Variants in DGKI observed in about 807,000 individuals in gnomAD.
DGKI encodes diacylglycerol kinase iota, also known as DAG kinase iota.
DGKI carries 55 observed loss-of-function variants against 147.5 expected under a neutral mutation model. The ratio of observed to expected loss-of-function variants is 0.37; its 90% CI spans 0.30 to 0.47. The LOEUF (loss-of-function observed/expected upper bound fraction) is 0.47, where lower values mean the gene tolerates loss of function less well. DGKI is among the 20% of genes least tolerant of loss of function. The pLI, the probability that DGKI is intolerant of heterozygous loss-of-function variation, is 1.00. For synonymous variants in DGKI, 469 were observed against 477.1 expected (o/e 0.98, Z 0.22); for missense variants, 1,007 against 1,323.8 (o/e 0.76, Z 3.71).
intron 1 of DGKI, among the ~76,000 whole-genome samples, chr7:137,814,680 C>A (rs918320217): frequency 6.6e-6 from 1 of 152,110 alleles, no homozygotes; most frequent in African/African-American, 2.4e-5. Context: ...TCCAAACAAC[C>A]TGGCACAAAC....
intron 3 of DGKI, among the ~76,000 whole-genome samples, chr7:137,673,469 G>T (rs1308650125): frequency 6.6e-6 from 1 of 152,196 alleles, no homozygotes; most frequent in East Asian, 1.9e-4. Flanking sequence ...CACTTCAAAG[G>T]TAAGATTAAA....
intron 12 of DGKI, among the ~76,000 whole-genome samples, chr7:137,588,806 G>A (rs755367308): frequency 6.6e-6 from 1 of 152,120 alleles, no homozygotes; most frequent in Non-Finnish European, 1.5e-5. Flanking sequence ...TGCCATGCCT[G>A]AGCAAAGTCC....
chr7:137,638,051 A>C (rs553144945), intron 6 of DGKI, among the ~76,000 whole-genome samples: 52 of 152,282 alleles, frequency 3.4e-4, no homozygotes, highest in African/African-American at 1.2e-3. Flanking sequence ...GTTTTAATAA[A>C]GAGACAAACG....
chr7:137,846,772 C>T lies in DGKI; in HGVS notation c.91G>A (p.Ala31Thr). Residue 31 changes from alanine (A) to threonine (T), a missense_variant, in exon 1 of 33, where the codon GCC (alanine) becomes ACC (threonine). This residue lies in a region of DGKI where 137 missense variants were observed against 114.4 expected (regional missense o/e 1.20). Coordinates refer to ENST00000614521, the MANE Select transcript of DGKI (RefSeq NM_001321708.2). This position sits in a 1 kb window ranked among gnomAD's most constrained non-coding sequence, Gnocchi z 4.0. Reference protein sequence around the residue: ...RAPAAAAAAAASPPGPCSGAA... With the variant: ...RAPAAAAAAATSPPGPCSGAA... Reference sequence around the variant, plus strand: ...CCGCTGCAGGGGCCGGGCGGGCTGGCGGCGGCGGCGGCGGCGGCTGCAGGA... The same window carrying T: ...CCGCTGCAGGGGCCGGGCGGGCTGGTGGCGGCGGCGGCGGCGGCTGCAGGA... The T allele has an allele frequency of 9.7e-7, 1 of 1,033,668 alleles. No individual in the cohort carries two copies. The highest frequency in any genetic ancestry group is 1.2e-6 in the Non-Finnish European group (1 of 862,428). The allele number at this position is 1,033,668 out of a possible 1,614,324, so 64.0% of individuals were successfully genotyped here.
At chr7:137,491,597 T>C (rs1815765225) in intron 21 of DGKI, among the ~76,000 whole-genome samples, 2 of 152,260 alleles carry the variant, frequency 1.3e-5, no homozygotes, top group African/African-American at 4.8e-5. Flanking sequence ...TATTCCTTTG[T>C]AGTTACCTAA....
intron 1 of DGKI, among the ~76,000 whole-genome samples, chr7:137,775,272 C>A (rs1796329769): frequency 6.6e-6 from 1 of 152,092 alleles, no homozygotes; most frequent in Non-Finnish European, 1.5e-5. Flanking sequence ...CCTGGGAGGA[C>A]CGTAATGAAA....
chr7:137,480,300 C>A (rs2128933405), intron 23 of DGKI, among the ~76,000 whole-genome samples: 1 of 152,214 alleles, frequency 6.6e-6, no homozygotes, highest in African/African-American at 2.4e-5. Context: ...TAAATCAATT[C>A]CCAGGAAGAC....
At chr7:137,751,589 C>T (rs1370831258) in intron 1 of DGKI, among the ~76,000 whole-genome samples, 2 of 152,186 alleles carry the variant, frequency 1.3e-5, no homozygotes, top group Non-Finnish European at 2.9e-5. Flanking sequence ...ATTAAAGACA[C>T]TAGCACTTTC....
At chr7:137,466,807 G>A in intron 25 of DGKI, 95 bp downstream of exon 25, 1 of 1,287,976 alleles carries the variant, frequency 7.8e-7, no homozygotes, top group Non-Finnish European at 1.1e-6. Flanking sequence ...GTGTCTCAGT[G>A]GTTTTCGTTA....
Position 137,609,616 on chromosome 7 carries a change from G to GGA in DGKI, c.994-9_994-8dup. Reference sequence around the variant, plus strand: ...TTGAAGCCTTCAGGGAGTTCTGTAGGGAGAGAGAGAAATGCCTGAGCTCAG... The same window carrying GGA: ...TTGAAGCCTTCAGGGAGTTCTGTAGGGAGAGAGAGAGAAATGCCTGAGCTCAG... On this transcript the variant is annotated splice_region_variant and splice_polypyrimidine_tract_variant and intron_variant, in intron 8 of 32. Transcript: ENST00000614521. 1 of 1,610,850 alleles carries GGA rather than the reference G, an allele frequency of 6.2e-7. No homozygotes were observed. The highest frequency in any genetic ancestry group is 8.5e-7 in the Non-Finnish European group (1 of 1,177,688).
chr7:137,721,565 T>C (rs927632261), intron 1 of DGKI, among the ~76,000 whole-genome samples: 1 of 152,196 alleles, frequency 6.6e-6, no homozygotes, highest in Non-Finnish European at 1.5e-5. Context: ...CCTAACGGTC[T>C]CCCTGCCCTC....
chr7:137,558,113 G>T (rs980993581), intron 19 of DGKI, among the ~76,000 whole-genome samples: 10 of 152,108 alleles, frequency 6.6e-5, no homozygotes, highest in Admixed American at 1.3e-4. Context: ...TCACCAAAAT[G>T]AGAAATTTTA....
intron 13 of DGKI, among the ~76,000 whole-genome samples, chr7:137,586,268 T>C (rs1194348679): frequency 1.3e-5 from 2 of 151,616 alleles, no homozygotes; most frequent in Non-Finnish European, 1.5e-5. Flanking sequence ...CTAATAAACA[T>C]ACAAAAAAAA....
intron 1 of DGKI, among the ~76,000 whole-genome samples, chr7:137,702,497 T>C (rs60854715): frequency 0.012 from 1,854 of 152,306 alleles, 46 homozygotes; most frequent in African/African-American, 0.043. Context: ...CTCAGAACTC[T>C]TGAGATTATT....
intron 24 of DGKI, among the ~76,000 whole-genome samples, chr7:137,467,198 C>T (rs1228143883): frequency 6.6e-6 from 1 of 152,234 alleles, no homozygotes; most frequent in African/African-American, 2.4e-5. Flanking sequence ...TCAAGTGCTT[C>T]TGCTTCTGTG....
intron 1 of DGKI, among the ~76,000 whole-genome samples, chr7:137,834,353 C>T (rs762601541): frequency 2.0e-5 from 3 of 152,134 alleles, no homozygotes; most frequent in Admixed American, 2.0e-4. Context: ...TGTTTTGAGT[C>T]ATTGTAAAAG....
intron 23 of DGKI, among the ~76,000 whole-genome samples, chr7:137,473,630 A>G (rs1815063565): frequency 6.6e-6 from 1 of 152,176 alleles, no homozygotes; most frequent in South Asian, 2.1e-4. Flanking sequence ...TGGTAATTGT[A>G]ATACCAAAAC....
intron 1 of DGKI, among the ~76,000 whole-genome samples, chr7:137,741,334 A>G (rs1041947896): frequency 2.6e-5 from 4 of 152,226 alleles, no homozygotes; most frequent in African/African-American, 9.7e-5. Flanking sequence ...CTTCACACAA[A>G]CCTGACATTT....
chr7:137,412,220 A>G lies in DGKI; in HGVS notation c.2762-13T>C. On this transcript the variant is annotated splice_polypyrimidine_tract_variant and intron_variant, in intron 28 of 32. Transcript: ENST00000614521. The stretch of plus-strand genomic sequence containing the variant: ...GCCTGCAAAATTGCTGTGAAAGACA[A>G]AAGAGAGATGTCCCATTAGTAGAAG... 6.2e-7 allele frequency: 1 copy of G among 1,612,508 alleles called. No individual in the cohort carries two copies. Among genetic ancestry groups the G allele is most frequent in the Non-Finnish European group, 8.5e-7 (1 of 1,178,536 alleles).
Sources: allele counts gnomAD v4.1 joint callset (sites outside exome capture counted in the v4.1 genomes callset), GRCh38; gene constraint gnomAD v4.1.1; regional missense constraint gnomAD v4.1.1; non-coding constraint Gnocchi (gnomAD v3.1); transcripts MANE v1.5; gene names NCBI Gene and HGNC (gene_info 2026-07-23, HGNC 2026-07-21).